The following VTI1A variants were observed in gnomAD, a reference collection of about 807,000 sequenced individuals.
VTI1A encodes the protein vesicle transport through interaction with t-SNAREs 1A, also known as vesicle transport through interaction with t-SNAREs homolog 1A.
VTI1A carries 22 observed loss-of-function variants against 34.9 expected under a neutral mutation model. The observed-to-expected ratio is 0.63, with a 90% CI of 0.45 to 0.90. The LOEUF is 0.90. Ranked by LOEUF, VTI1A falls within the 40% of genes least tolerant of loss-of-function variation. The pLI, the probability that VTI1A is intolerant of heterozygous loss-of-function variation, is 0.00. For missense variants in VTI1A, 268 were observed against 275.6 expected, an observed-to-expected ratio of 0.97 and a Z score of 0.20; for synonymous variants, 87 against 97.3, an observed-to-expected ratio of 0.89 and a Z score of 0.62.
intron 5 of VTI1A, among the ~76,000 whole-genome samples, chr10:112,544,179 T>G (rs980300761): frequency 6.6e-6 from 1 of 152,158 alleles, no homozygotes; most frequent in Non-Finnish European, 1.5e-5. Context: ...TTTGGTTCCA[T>G]ATGAACTTTA....
intron 7 of VTI1A, among the ~76,000 whole-genome samples, chr10:112,714,721 G>C (rs1293222823): frequency 6.6e-6 from 1 of 152,188 alleles, no homozygotes; most frequent in East Asian, 1.9e-4. Flanking sequence ...ACTCAGATGG[G>C]TGCCCAGGCA....
chr10:112,673,453 T>TGC (rs898094140), intron 7 of VTI1A, among the ~76,000 whole-genome samples: 5 of 86,270 alleles, frequency 5.8e-5, no homozygotes, highest in Non-Finnish European at 9.2e-5. Flanking sequence ...TTCACACACA[T>TGC]GCGCGCGTGC....
intron 7 of VTI1A, among the ~76,000 whole-genome samples, chr10:112,684,403 G>C (rs1314190538): frequency 6.7e-6 from 1 of 148,646 alleles, no homozygotes; most frequent in Non-Finnish European, 1.5e-5. Context: ...TATTTGCTTA[G>C]TGTGGCATCC....
intron 7 of VTI1A, among the ~76,000 whole-genome samples, chr10:112,728,582 A>C (rs1850132770): frequency 6.6e-6 from 1 of 152,212 alleles, no homozygotes; most frequent in Admixed American, 6.5e-5. Flanking sequence ...TGTCACCACC[A>C]CATTTTTTAA....
At chr10:112,610,779 C>A (rs1253182611) in intron 5 of VTI1A, among the ~76,000 whole-genome samples, 1 of 152,150 alleles carries the variant, frequency 6.6e-6, no homozygotes, top group Non-Finnish European at 1.5e-5. Context: ...ACTAGCCAGG[C>A]GCGGTGGCGG....
At chr10:112,574,775 C>T (rs988315280) in intron 5 of VTI1A, among the ~76,000 whole-genome samples, 1 of 152,294 alleles carries the variant, frequency 6.6e-6, no homozygotes, top group African/African-American at 2.4e-5. Context: ...TAGGTGGATG[C>T]ATTGGGTCAG....
intron 3 of VTI1A, among the ~76,000 whole-genome samples, chr10:112,468,654 A>G (rs1008445265): frequency 6.6e-6 from 1 of 152,076 alleles, no homozygotes; most frequent in Non-Finnish European, 1.5e-5. Flanking sequence ...GGATGCCTGG[A>G]TCCTTCAGGC....
chr10:112,645,623 T>C (rs1346753301), intron 5 of VTI1A, among the ~76,000 whole-genome samples: 1 of 152,212 alleles, frequency 6.6e-6, no homozygotes, highest in Non-Finnish European at 1.5e-5. Flanking sequence ...CAAGCTCTGC[T>C]TGATATGCCA....
At chr10:112,709,275 G>T (rs996728311) in intron 7 of VTI1A, among the ~76,000 whole-genome samples, 3 of 152,190 alleles carry the variant, frequency 2.0e-5, no homozygotes, top group Non-Finnish European at 4.4e-5. Flanking sequence ...AAAAGGGACA[G>T]AAAGTTGGAG....
intron 7 of VTI1A, among the ~76,000 whole-genome samples, chr10:112,723,795 G>C (rs188848047): frequency 2.6e-4 from 39 of 152,220 alleles, no homozygotes; most frequent in Non-Finnish European, 5.0e-4. Context: ...GGAATAATTT[G>C]AAGTTGCTCT....
intron 7 of VTI1A, among the ~76,000 whole-genome samples, chr10:112,804,631 G>T (rs1396871663): frequency 6.6e-6 from 1 of 152,070 alleles, no homozygotes; most frequent in African/African-American, 2.4e-5. Context: ...CATTGTCCCG[G>T]CCCTGGCATT....
At chr10:112,776,460 G>C (rs910033634) in intron 7 of VTI1A, among the ~76,000 whole-genome samples, 2 of 152,086 alleles carry the variant, frequency 1.3e-5, no homozygotes, top group Admixed American at 1.3e-4. Flanking sequence ...TCTGGTCTGT[G>C]TCCCGGAAAC....
At chr10:112,462,405 T>A (rs1481694833) in intron 2 of VTI1A, among the ~76,000 whole-genome samples, 4 of 152,248 alleles carry the variant, frequency 2.6e-5, no homozygotes, top group African/African-American at 9.6e-5. Context: ...CTACTTTTAA[T>A]TTAGTTTTAA....
intron 5 of VTI1A, among the ~76,000 whole-genome samples, chr10:112,580,893 G>A (rs1307546965): frequency 6.6e-6 from 1 of 152,120 alleles, no homozygotes. Flanking sequence ...ACTACGTACT[G>A]GAATTACGAA....
At chr10:112,837,345 G>C in the VTI1A span, among the ~76,000 whole-genome samples, 22,330 of 152,142 alleles carry the variant, frequency 0.15, 2,078 homozygotes, top group Middle Eastern at 0.25. Context: ...ATCCTGGGAG[G>C]GGGAGGGGAT....
At chr10:112,841,520 A>C in the VTI1A span, among the ~76,000 whole-genome samples, 1 of 152,222 alleles carries the variant, frequency 6.6e-6, no homozygotes. Flanking sequence ...CACACCACCA[A>C]GATGGTGCAA....
At chr10:112,621,867 C>T (rs186752683) in intron 5 of VTI1A, among the ~76,000 whole-genome samples, 14 of 152,310 alleles carry the variant, frequency 9.2e-5, no homozygotes, top group South Asian at 2.1e-4. Flanking sequence ...CCATTTTCCA[C>T]GCTATACGCT....
intron 5 of VTI1A, among the ~76,000 whole-genome samples, chr10:112,601,772 ATTAG>A (rs1182665582): frequency 1.3e-5 from 2 of 152,222 alleles, no homozygotes; most frequent in South Asian, 2.1e-4. Context: ...AGGTATCACT[ATTAG>A]TTAATGAGAA....
chr10:112,830,849 A>ATATATATATATATATATATTTTTTTTTT, the VTI1A span, among the ~76,000 whole-genome samples: 3 of 33,496 alleles, frequency 9.0e-5, no homozygotes, highest in South Asian at 1.6e-3. Context: ...ATATATATAT[A>ATATATATATATATATATATTTTTTTTTT]TTTTTTTTTT....
Sources: gnomAD v4.1 joint callset for allele counts (sites outside exome capture counted in the v4.1 genomes callset) on GRCh38, gnomAD v4.1.1 for gene constraint, MANE v1.5 for transcripts, NCBI Gene and HGNC (gene_info 2026-07-23, HGNC 2026-07-21) for gene names.